The following NRG2 variants were observed in gnomAD, a reference collection of about 807,000 sequenced individuals.
NRG2 encodes pro-neuregulin-2, membrane-bound isoform.
NRG2 carries 27 observed loss-of-function variants against 73.9 expected under a neutral mutation model. That is an observed-to-expected ratio of 0.37 (90% CI 0.27 to 0.50). The LOEUF is 0.50. NRG2 is among the 20% of genes least tolerant of loss of function. The pLI is 0.96. For missense variants in NRG2, 1,126 were observed against 1,210.1 expected (o/e 0.93, Z 1.03); for synonymous variants, 532 against 541.0 (o/e 0.98, Z 0.23).
At chr5:139,971,380 A>G (rs1755958701) in intron 1 of NRG2, among the ~76,000 whole-genome samples, 1 of 152,144 alleles carries the variant, frequency 6.6e-6, no homozygotes, top group Non-Finnish European at 1.5e-5. Context: ...TTTGCAACAC[A>G]TCTGTCCTTA....
intron 1 of NRG2, among the ~76,000 whole-genome samples, chr5:139,890,863 T>C (rs1389255995): frequency 6.6e-6 from 1 of 152,194 alleles, no homozygotes. Flanking sequence ...CAATGACTGG[T>C]TACAAACTGA....
At chr5:140,028,101 T>C (rs1760845699) in intron 1 of NRG2, among the ~76,000 whole-genome samples, 1 of 152,192 alleles carries the variant, frequency 6.6e-6, no homozygotes. Flanking sequence ...CTAAATGTGA[T>C]GTAGGATTCT....
chr5:140,013,878 C>T (rs536965488), intron 1 of NRG2, among the ~76,000 whole-genome samples: 83 of 152,188 alleles, frequency 5.5e-4, no homozygotes, highest in Admixed American at 9.8e-4. Context: ...TCACCACATT[C>T]TCTTGGTTTT....
At chr5:139,859,456 G>C (rs1762002663) in intron 5 of NRG2, among the ~76,000 whole-genome samples, 1 of 152,218 alleles carries the variant, frequency 6.6e-6, no homozygotes, top group African/African-American at 2.4e-5. Context: ...AAGTCAAATG[G>C]AAAGGGATGC....
chr5:139,898,800 C>A (rs1185238680), intron 1 of NRG2, among the ~76,000 whole-genome samples: 1 of 152,234 alleles, frequency 6.6e-6, no homozygotes, highest in Non-Finnish European at 1.5e-5. Flanking sequence ...AGTAGCCTGG[C>A]ACTCAGAAAA....
At chr5:139,927,470 G>A (rs1419589611) in intron 1 of NRG2, among the ~76,000 whole-genome samples, 2 of 152,072 alleles carry the variant, frequency 1.3e-5, no homozygotes, top group Admixed American at 6.5e-5. Context: ...GAAACTGTGG[G>A]ATAGCTCCTT....
At chr5:139,951,934 G>T (rs1050816727) in intron 1 of NRG2, among the ~76,000 whole-genome samples, 1 of 152,232 alleles carries the variant, frequency 6.6e-6, no homozygotes. Flanking sequence ...ATGGGTAGAG[G>T]CATTTACCAA....
intron 1 of NRG2, among the ~76,000 whole-genome samples, chr5:140,029,543 G>C (rs987559008): frequency 3.3e-5 from 5 of 152,032 alleles, no homozygotes; most frequent in African/African-American, 1.2e-4. Flanking sequence ...TATCCAGCTA[G>C]TAAGTCACAG....
intron 1 of NRG2, among the ~76,000 whole-genome samples, chr5:139,957,773 A>G (rs1471825965): frequency 1.3e-5 from 2 of 152,200 alleles, no homozygotes; most frequent in African/African-American, 4.8e-5. Flanking sequence ...TCCTGGAGTA[A>G]GCAAGATAAA....
chr5:139,982,580 A>G (rs777327338), intron 1 of NRG2, among the ~76,000 whole-genome samples: 1 of 152,212 alleles, frequency 6.6e-6, no homozygotes, highest in African/African-American at 2.4e-5. Flanking sequence ...GGGAAGAGCT[A>G]TAAGAAAGCC....
intron 1 of NRG2, among the ~76,000 whole-genome samples, chr5:139,939,239 C>T (rs796288573): frequency 2.3e-5 from 3 of 132,876 alleles, no homozygotes; most frequent in African/African-American, 9.1e-5. Context: ...TTCCTTCCTT[C>T]CTTCCTTTCT....
chr5:139,965,029 G>T (rs1484312270), intron 1 of NRG2, among the ~76,000 whole-genome samples: 1 of 152,226 alleles, frequency 6.6e-6, no homozygotes, highest in African/African-American at 2.4e-5. Flanking sequence ...ACGGGCACTA[G>T]GATTTTTTGT....
At chr5:139,952,240 C>T (rs1392137894) in intron 1 of NRG2, among the ~76,000 whole-genome samples, 3 of 152,164 alleles carry the variant, frequency 2.0e-5, no homozygotes, top group Non-Finnish European at 4.4e-5. Context: ...TCTGCCAACA[C>T]CAATGGGGAA....
At position 140,037,869 on chromosome 5, in the gene NRG2, C is replaced by T. The variant is rs190927541; in HGVS notation, c.700+4501G>A. ...GTTGCAGTGAGCTGAGAATGTGCCA[C>T]TGCACTCTAGCCTGGGCGACAGAGC... On this transcript the variant is annotated intron_variant, in intron 1 of 9. Coordinates refer to ENST00000361474, the MANE Select transcript of NRG2 (RefSeq NM_004883.3). Among the ~76,000 whole-genome samples the T allele has an allele frequency of 4.3e-3, 604 of 139,868 alleles. 8 individuals carry two copies. Among genetic ancestry groups the T allele is most frequent in the African/African-American group, 0.015 (563 of 37,548 alleles). The allele number at this position is 139,868 out of a possible 152,430, so 91.8% of individuals were successfully genotyped here.
rs894697642 is a variant in NRG2, at chr5:139,856,547, C to T, written c.1190-769G>A. Among the ~76,000 whole-genome samples, 3 of 152,186 alleles carry T rather than the reference C, an allele frequency of 2.0e-5. No individual in the cohort carries two copies. The highest frequency in any genetic ancestry group is 4.8e-5 in the African/African-American group (2 of 41,428). ...GCTAGCTGTAGTCAAGGCTACAGCCCGGAGACCCCACCCGTGCCCACCACA... is the reference window on the plus strand; with the variant it reads ...GCTAGCTGTAGTCAAGGCTACAGCCTGGAGACCCCACCCGTGCCCACCACA... On this transcript the variant is annotated intron_variant, in intron 5 of 9. Transcript: ENST00000361474. The surrounding 1 kb of genome is among the most constrained non-coding windows in gnomAD (Gnocchi z 4.2).
chr5:139,858,753 A>G (rs144347319), intron 5 of NRG2, among the ~76,000 whole-genome samples: 3 of 152,118 alleles, frequency 2.0e-5, no homozygotes, highest in Non-Finnish European at 4.4e-5. Context: ...CAAGGTGTAT[A>G]CTCTCAACAA....
intron 1 of NRG2, among the ~76,000 whole-genome samples, chr5:139,909,889 A>T (rs1180741311): frequency 6.6e-6 from 1 of 152,192 alleles, no homozygotes; most frequent in Non-Finnish European, 1.5e-5. Flanking sequence ...GAGCTGAGAG[A>T]TAGGGCCTCT....
chr5:139,862,657 T>C (rs997302691), intron 5 of NRG2, among the ~76,000 whole-genome samples: 2 of 152,188 alleles, frequency 1.3e-5, no homozygotes, highest in African/African-American at 2.4e-5. Context: ...GATGTGAGCA[T>C]GAGCTCCTGT....
chr5:140,036,688 A>G (rs1761532208), intron 1 of NRG2, among the ~76,000 whole-genome samples: 1 of 152,200 alleles, frequency 6.6e-6, no homozygotes, highest in Admixed American at 6.5e-5. Flanking sequence ...AGCAACAAGT[A>G]AGACAGAAAT....
Sources: gnomAD v4.1 joint callset for allele counts (sites outside exome capture counted in the v4.1 genomes callset) on GRCh38, gnomAD v4.1.1 for gene constraint, Gnocchi (gnomAD v3.1) non-coding constraint, MANE v1.5 for transcripts, NCBI Gene and HGNC (gene_info 2026-07-23, HGNC 2026-07-21) for gene names.